The following MAGI2 variants were observed in gnomAD, a reference collection of about 807,000 sequenced individuals.
MAGI2 encodes membrane associated guanylate kinase, WW and PDZ domain containing 2.
Under a neutral mutation model 133.3 loss-of-function variants are expected in MAGI2, and 35 were observed. The ratio of observed to expected loss-of-function variants is 0.26; its 90% CI spans 0.20 to 0.35. The LOEUF (loss-of-function observed/expected upper bound fraction) is 0.35. Among genes scored for constraint, MAGI2 ranks in the 10% least tolerant of loss-of-function variants. The probability of loss-of-function intolerance (pLI) is 1.00; values close to 1 mark genes in which losing one functional copy is unlikely to be tolerated. For synonymous variants in MAGI2, 729 were observed against 710.6 expected (o/e 1.03, Z -0.41); for missense variants, 1,636 against 1,863.4 (o/e 0.88, Z 2.25).
chr7:79,050,732 A>C (rs1812601417), intron 1 of MAGI2, among the ~76,000 whole-genome samples: 1 of 152,176 alleles, frequency 6.6e-6, no homozygotes, highest in South Asian at 2.1e-4. Flanking sequence ...TTTACCCCAC[A>C]AGACAATCAG....
At chr7:79,406,569 G>A (rs1372157603) in intron 1 of MAGI2, among the ~76,000 whole-genome samples, 2 of 152,024 alleles carry the variant, frequency 1.3e-5, no homozygotes, top group Non-Finnish European at 2.9e-5. Context: ...AGGAAACTTT[G>A]AGTTTATGTC....
At chr7:78,529,714 A>G (rs1411237479) in intron 3 of MAGI2, among the ~76,000 whole-genome samples, 2 of 80,992 alleles carry the variant, frequency 2.5e-5, no homozygotes, top group Admixed American at 2.0e-4. Context: ...ACATGGTCTC[A>G]CTGTGTTGGC....
intron 2 of MAGI2, among the ~76,000 whole-genome samples, chr7:78,744,188 G>T (rs571282820): frequency 1.3e-5 from 2 of 151,780 alleles, no homozygotes; most frequent in African/African-American, 2.4e-5. Flanking sequence ...ATCCTCTTTC[G>T]TCATAGAATT....
chr7:79,125,771 G>T (rs1820357798), intron 1 of MAGI2: 2 of 519,592 alleles, frequency 3.8e-6, no homozygotes, highest in Non-Finnish European at 7.6e-6. Context: ...AAGATGGCTG[G>T]GGTGGTTCCA....
chr7:78,430,605 A>G (rs907560029), intron 6 of MAGI2, among the ~76,000 whole-genome samples: 1 of 151,994 alleles, frequency 6.6e-6, no homozygotes, highest in African/African-American at 2.4e-5. Context: ...AGTATCCAAC[A>G]CCTTTTAAAC....
At chr7:78,280,997 C>T (rs1795514546) in intron 9 of MAGI2, among the ~76,000 whole-genome samples, 1 of 152,156 alleles carries the variant, frequency 6.6e-6, no homozygotes, top group Admixed American at 6.6e-5. Flanking sequence ...ATCAAAATCT[C>T]CTTCCTCATA....
intron 9 of MAGI2, among the ~76,000 whole-genome samples, chr7:78,276,359 G>A (rs1464197098): frequency 6.6e-6 from 1 of 152,044 alleles, no homozygotes. Context: ...TTGACTGCAG[G>A]TTCTTAAATT....
At chr7:78,980,145 G>A (rs748469442) in intron 2 of MAGI2, among the ~76,000 whole-genome samples, 1 of 151,530 alleles carries the variant, frequency 6.6e-6, no homozygotes, top group East Asian at 2.0e-4. Flanking sequence ...TCCCAGGCAG[G>A]TTAGGAAATC....
intron 2 of MAGI2, among the ~76,000 whole-genome samples, chr7:78,999,271 T>A (rs1010899556): frequency 2.6e-5 from 4 of 151,082 alleles, no homozygotes; most frequent in African/African-American, 9.7e-5. Context: ...GTTGCGAAGA[T>A]CAGTAAGATC....
chr7:78,492,974 A>G (rs1227341816), intron 5 of MAGI2, among the ~76,000 whole-genome samples: 1 of 152,204 alleles, frequency 6.6e-6, no homozygotes. Flanking sequence ...ATGAAAAGTG[A>G]GAGGTCAAGT....
rs576807041 is a variant in MAGI2, at chr7:79,230,433, C to A, written c.301+222587G>T. On this transcript the variant is annotated intron_variant, in intron 1 of 21. Coordinates refer to ENST00000354212, the MANE Select transcript of MAGI2 (RefSeq NM_012301.4). ...ACAGTGTAAAAGTGTTCCTATTTCT[C>A]CACATCCTCTCCAGCACCTGTTGTT... is the stretch of plus-strand genomic sequence containing the variant. Among the ~76,000 whole-genome samples the A allele has an allele frequency of 2.0e-3, 309 of 151,630 alleles. 1 individual carries two copies. Among genetic ancestry groups the A allele is most frequent in the African/African-American group, 7.0e-3 (292 of 41,424 alleles).
chr7:78,078,868 T>C (rs1332910774), intron 21 of MAGI2, 79 bp downstream of exon 21: 1 of 1,531,280 alleles, frequency 6.5e-7, no homozygotes. Context: ...GGAGAACTGA[T>C]GTAGTTTTAT....
chr7:78,850,274 C>G (rs1584141680), intron 2 of MAGI2, among the ~76,000 whole-genome samples: 1 of 151,992 alleles, frequency 6.6e-6, no homozygotes, highest in Admixed American at 6.6e-5. Context: ...AGCAAAAAGT[C>G]AAATGAAAGC....
chr7:78,911,784 G>T (rs1411827126), intron 2 of MAGI2, among the ~76,000 whole-genome samples: 6 of 151,962 alleles, frequency 3.9e-5, no homozygotes, highest in Non-Finnish European at 8.8e-5. Flanking sequence ...TTATTGCACA[G>T]ATTATTTCAT....
intron 9 of MAGI2, among the ~76,000 whole-genome samples, chr7:78,294,824 T>A (rs1797069470): frequency 6.6e-6 from 1 of 152,152 alleles, no homozygotes; most frequent in South Asian, 2.1e-4. Context: ...GTGGTTGCAC[T>A]TGTAAGGCTG....
chr7:78,430,546 T>A (rs1799694995), intron 6 of MAGI2, among the ~76,000 whole-genome samples: 1 of 152,100 alleles, frequency 6.6e-6, no homozygotes, highest in Non-Finnish European at 1.5e-5. Context: ...TTTCTTCTGA[T>A]AATGAAATCA....
intron 2 of MAGI2, among the ~76,000 whole-genome samples, chr7:78,808,693 G>A (rs2245765): frequency 0.94 from 143,553 of 152,150 alleles, 67,864 homozygotes; most frequent in East Asian, 1. Context: ...CGCACTTCAC[G>A]GAAATGAAGG....
intron 10 of MAGI2, among the ~76,000 whole-genome samples, chr7:78,209,523 A>G (rs1787558334): frequency 6.6e-6 from 1 of 151,972 alleles, no homozygotes; most frequent in Non-Finnish European, 1.5e-5. Flanking sequence ...GGCTTCCCAA[A>G]GTGCTGGGAT....
chr7:78,461,346 CATT>C (rs1300168520), intron 6 of MAGI2, among the ~76,000 whole-genome samples: 6 of 150,100 alleles, frequency 4.0e-5, no homozygotes, highest in Admixed American at 4.0e-4. Flanking sequence ...AGTAAGAAAA[CATT>C]AAAAATACAA....
Sources: gnomAD v4.1 joint callset for allele counts (sites outside exome capture counted in the v4.1 genomes callset) on GRCh38, gnomAD v4.1.1 for gene constraint, MANE v1.5 for transcripts, NCBI Gene and HGNC (gene_info 2026-07-23, HGNC 2026-07-21) for gene names.